Variants in CROT observed in about 807,000 individuals in gnomAD.
CROT encodes carnitine O-octanoyltransferase.
A neutral mutation model predicts 89.2 loss-of-function variants in CROT; 84 were observed. The observed-to-expected ratio is 0.94, with a 90% CI of 0.79 to 1.13. CROT has a LOEUF of 1.13. Among genes scored for constraint, CROT ranks in the 50% most tolerant of loss-of-function variants. CROT has a pLI of 0.00. For synonymous variants in CROT, 212 were observed against 239.5 expected (o/e 0.89, Z 1.06); for missense variants, 711 against 727.8 (o/e 0.98, Z 0.27).
At chr7:87,375,056 A>C (rs560277233) in intron 7 of CROT, among the ~76,000 whole-genome samples, 1 of 152,156 alleles carries the variant, frequency 6.6e-6, no homozygotes, top group East Asian at 1.9e-4. Context: ...AATACTGTGG[A>C]GGGGGAGTAG....
At chr7:87,358,792 A>G (rs1422433156) in intron 3 of CROT, among the ~76,000 whole-genome samples, 1 of 152,178 alleles carries the variant, frequency 6.6e-6, no homozygotes, top group African/African-American at 2.4e-5. Flanking sequence ...AAGCACACTC[A>G]TTATCAACTT....
At chr7:87,398,260 A>T in intron 17 of CROT, 1 of 617,666 alleles carries the variant, frequency 1.6e-6, no homozygotes, top group Non-Finnish European at 3.0e-6. Context: ...AAACGCAGTA[A>T]GACCTAGCTT....
chr7:87,350,033 T>C (rs1805817936), intron 3 of CROT, among the ~76,000 whole-genome samples: 1 of 152,226 alleles, frequency 6.6e-6, no homozygotes, highest in Admixed American at 6.5e-5. Flanking sequence ...TAAACTATTT[T>C]ATCTTGCAAC....
intron 3 of CROT, among the ~76,000 whole-genome samples, chr7:87,350,926 T>C (rs1222362761): frequency 6.6e-6 from 1 of 152,206 alleles, no homozygotes; most frequent in African/African-American, 2.4e-5. Flanking sequence ...TATTTAGTTA[T>C]CTACAGAATA....
At position 87,360,806 on chromosome 7, in the gene CROT, A is replaced by G. The variant is rs953921286; in HGVS notation, c.241-584A>G. Among the ~76,000 whole-genome samples the G allele has an allele frequency of 1.6e-4, 25 of 152,304 alleles. No individual in the cohort carries two copies. The South Asian group carries it at 5.2e-3, about 32-fold the overall frequency. ...TTTATTGCATACTTGTGACTACAAT[A>G]CAATGATATTTCTGAAGGTATCTTT... On this transcript the variant is annotated intron_variant, in intron 4 of 17. Transcript: ENST00000331536.
chr7:87,394,765 A>G (rs1228870620), intron 17 of CROT, among the ~76,000 whole-genome samples: 2 of 152,160 alleles, frequency 1.3e-5, no homozygotes, highest in Non-Finnish European at 2.9e-5. Flanking sequence ...CGAAGTTATT[A>G]TATGACAACT....
In CROT at chr7:87,361,516, G is replaced by C; in HGVS notation, c.367G>C (p.Glu123Gln). Reference sequence around the variant, plus strand: ...GCCTCCAAAGGAAGGGACTCAATTAGAAAGAGGAAGTATAACTCTTTGGCA... The same window carrying C: ...GCCTCCAAAGGAAGGGACTCAATTACAAAGAGGAAGTATAACTCTTTGGCA... ...YWPPKEGTQLERGSITLWHNL... is the reference protein window; with the variant it reads ...YWPPKEGTQLQRGSITLWHNL... Residue 123 changes from glutamate to glutamine, a missense_variant, in exon 5 of 18, where the codon GAA becomes CAA. Transcript: ENST00000331536. The C allele has an allele frequency of 6.2e-7, 1 of 1,612,046 alleles. No homozygotes were observed. Among genetic ancestry groups the C allele is most frequent in the Non-Finnish European group, 8.5e-7 (1 of 1,179,508 alleles).
At position 87,357,881 on chromosome 7, in the gene CROT, G is replaced by C. The variant is rs7801376; in HGVS notation, c.116-1325G>C. 7.4e-3 allele frequency among the ~76,000 whole-genome samples: 1,120 copies of C among 152,134 alleles called. 13 individuals carry two copies. The highest frequency in any genetic ancestry group is 0.025 in the African/African-American group (1,051 of 41,478). ...TATCTTGAAAACATATATTGTTATG[G>C]GTATTGGGATACCTGGACTTTCTGC... On this transcript the variant is annotated intron_variant, in intron 3 of 17. Transcript: ENST00000331536.
At chr7:87,375,804 G>T in intron 8 of CROT, 24 bp from the exon 9 acceptor site, 2 of 1,612,858 alleles carry the variant, frequency 1.2e-6, no homozygotes, top group South Asian at 2.2e-5. Flanking sequence ...TGTAATATTT[G>T]ATCATCATCT....
chr7:87,391,443 A>T, intron 13 of CROT, 146 bp from the exon 14 acceptor site: 1 of 692,890 alleles, frequency 1.4e-6, no homozygotes, highest in Non-Finnish European at 2.2e-6. Context: ...TATTGGAAAT[A>T]GGCTCTTTTT....
intron 13 of CROT, among the ~76,000 whole-genome samples, chr7:87,391,046 C>T (rs769372430): frequency 5.9e-5 from 9 of 152,202 alleles, no homozygotes; most frequent in Admixed American, 1.3e-4. Context: ...AGGTCCACTT[C>T]TCAGCTCACC....
At chr7:87,361,309 A>T in intron 4 of CROT, 81 bp from the exon 5 acceptor site, 1 of 1,311,710 alleles carries the variant, frequency 7.6e-7, no homozygotes, top group Non-Finnish European at 1.1e-6. Context: ...GAACAAATAT[A>T]GCTTGCTTTT....
chr7:87,352,316 A>G (rs1237855078), intron 3 of CROT, among the ~76,000 whole-genome samples: 2 of 152,206 alleles, frequency 1.3e-5, no homozygotes, highest in South Asian at 4.1e-4. Context: ...GTGGTGTGCT[A>G]CCTGCCCTGG....
chr7:87,382,442 C>CT lies in CROT; in HGVS notation c.1203dup (p.Thr402TyrfsTer39). The CT allele has an allele frequency of 6.2e-7, 1 of 1,613,678 alleles. No individual in the cohort carries two copies. Among genetic ancestry groups the CT allele is most frequent in the Non-Finnish European group, 8.5e-7 (1 of 1,179,800 alleles). ...CTGATCTACAGATTGCGGCTTATGC[C>CT]TTTACATCTTTTGGCAAAAAGCTAA... is the stretch of plus-strand genomic sequence containing the variant. On this transcript the variant is annotated frameshift_variant, in exon 13 of 18. Transcript: ENST00000331536. LOFTEE classifies it high-confidence loss of function.
chr7:87,363,476 G>C (rs1806345792), intron 6 of CROT, among the ~76,000 whole-genome samples: 1 of 152,150 alleles, frequency 6.6e-6, no homozygotes, highest in African/African-American at 2.4e-5. Context: ...TGTTGTTGTT[G>C]TTACTTTTTG....
In CROT at chr7:87,392,786, G is replaced by C; in HGVS notation, c.1561G>C (p.Val521Leu). 6.2e-7 allele frequency: 1 copy of C among 1,613,772 alleles called. No individual in the cohort carries two copies. The highest frequency in any genetic ancestry group is 8.5e-7 in the Non-Finnish European group (1 of 1,179,834). ...CATAGCAAAAGAGGAAGGTCTTCCT[G>C]TTCCAGAACTCTTTACGGACCCACT... ...LLIAKEEGLP[V>L]PELFTDPLFS... is the part of the protein sequence containing the mutation. Residue 521 changes from valine to leucine, a missense_variant, in exon 16 of 18, where the codon GTT (valine) becomes CTT (leucine). Val to Leu is a conservative substitution (Grantham distance 32, BLOSUM62 1). Coordinates refer to ENST00000331536, the MANE Select transcript of CROT (RefSeq NM_021151.4).
At position 87,351,953 on chromosome 7, in the gene CROT, C is replaced by A. The variant is rs1289762186; in HGVS notation, c.115+2770C>A. 4.6e-5 allele frequency among the ~76,000 whole-genome samples: 7 copies of A among 152,312 alleles called. No individual in the cohort carries two copies. The East Asian group carries it at 1.3e-3, about 29-fold the overall frequency. On this transcript the variant is annotated intron_variant, in intron 3 of 17. Transcript: ENST00000331536. ...TGTTTACCCTGCAATAGAGACTTAA[C>A]CCTTGCCTTACGTGATCTTAGATTC...
chr7:87,361,740 T>A lies in CROT; in HGVS notation c.435T>A (p.Pro145=). 2 of 1,578,986 alleles carry A rather than the reference T, an allele frequency of 1.3e-6. No individual in the cohort carries two copies. Among genetic ancestry groups the A allele is most frequent in the Non-Finnish European group, 1.7e-6 (2 of 1,168,540 alleles). Residue 145 remains proline, a synonymous_variant, in exon 6 of 18, where the codon CCT becomes CCA. Coordinates refer to ENST00000331536, the MANE Select transcript of CROT (RefSeq NM_021151.4). ...YWQLLRKEKV[P]VHKVGNTPLD... is the part of the protein sequence containing the mutation. ...CTTTTTTTAATAGAGAAAAAGTGCCTGTTCATAAAGTTGGAAATACTCCTC... is the reference window on the plus strand; with the variant it reads ...CTTTTTTTAATAGAGAAAAAGTGCCAGTTCATAAAGTTGGAAATACTCCTC...
chr7:87,374,694 G>A (rs1806750417), intron 7 of CROT, among the ~76,000 whole-genome samples: 2 of 151,914 alleles, frequency 1.3e-5, no homozygotes, highest in South Asian at 4.1e-4. Context: ...AACAAGGGGG[G>A]AATTTTTCAG....
Sources: gnomAD v4.1 joint callset for allele counts (sites outside exome capture counted in the v4.1 genomes callset) on GRCh38, gnomAD v4.1.1 for gene constraint, MANE v1.5 for transcripts, NCBI Gene and HGNC (gene_info 2026-07-23, HGNC 2026-07-21) for gene names.